FBXO34: variants seen among roughly 807,000 people sequenced by gnomAD.
The protein encoded by FBXO34 is F-box protein 34, also known as F-box only protein 34.
Under a neutral mutation model 24.5 loss-of-function variants are expected in FBXO34, and 12 were observed. That is an observed-to-expected ratio of 0.49 (90% CI 0.31 to 0.79). The LOEUF is 0.79. FBXO34 is among the 30% of genes least tolerant of loss of function. FBXO34 has a pLI of 0.04. For missense variants in FBXO34, 823 were observed against 857.7 expected (o/e 0.96, Z 0.51); for synonymous variants, 320 against 311.9 (o/e 1.03, Z -0.27).
chr14:55,289,592 G>C (rs1881874585), intron 1 of FBXO34, among the ~76,000 whole-genome samples: 1 of 152,148 alleles, frequency 6.6e-6, no homozygotes, highest in African/African-American at 2.4e-5. Flanking sequence ...CTGGAGTGCA[G>C]TGGCATGATC....
rs376155932 is a variant in FBXO34, at chr14:55,332,023, T to TAC, written c.-10-18357_-10-18356dup. ...TGGTGTATATATAAAAATATATATATACCACCGTGGTGGTATATATAAAAA... is the reference window on the plus strand; with the variant it reads ...TGGTGTATATATAAAAATATATATATACACCACCGTGGTGGTATATATAAAAA... On this transcript the variant is annotated intron_variant, in intron 1 of 1. Coordinates refer to ENST00000313833, the MANE Select transcript of FBXO34 (RefSeq NM_017943.4). Among the ~76,000 whole-genome samples, 221 of 64,968 alleles carry TAC rather than the reference T, an allele frequency of 3.4e-3. 73 individuals are homozygous for TAC. The highest frequency in any genetic ancestry group is 9.4e-3 in the South Asian group (20 of 2,132). 42.6% of individuals were successfully genotyped at this position (64,968 alleles called of 152,430 possible). A position where few individuals can be genotyped will look rare whatever the true frequency, so the allele number is the denominator to read the frequency against.
At chr14:55,393,194 A>G in the FBXO34 span, among the ~76,000 whole-genome samples, 26 of 151,390 alleles carry the variant, frequency 1.7e-4, no homozygotes, top group Admixed American at 1.6e-3. Context: ...ATCCTGGCTA[A>G]CACGGTGAAA....
downstream of FBXO34, among the ~76,000 whole-genome samples, chr14:55,355,521 T>G (rs1432837950): frequency 6.6e-6 from 1 of 152,250 alleles, no homozygotes; most frequent in Non-Finnish European, 1.5e-5. Context: ...ACATTGTGTT[T>G]GTACTGAACA....
intron 1 of FBXO34, among the ~76,000 whole-genome samples, chr14:55,301,608 A>G (rs1882359337): frequency 6.6e-6 from 1 of 152,216 alleles, no homozygotes; most frequent in Non-Finnish European, 1.5e-5. Context: ...GTGAGAAAGT[A>G]TCTAGGGAGG....
the FBXO34 span, among the ~76,000 whole-genome samples, chr14:55,401,501 G>A: frequency 6.6e-6 from 1 of 151,828 alleles, no homozygotes; most frequent in African/African-American, 2.4e-5. Context: ...ACTATTTTCC[G>A]TATTTTCTCT....
At chr14:55,303,200 C>T (rs1012189937) in intron 1 of FBXO34, among the ~76,000 whole-genome samples, 2 of 151,556 alleles carry the variant, frequency 1.3e-5, no homozygotes, top group African/African-American at 4.9e-5. Context: ...ATTATAAGAA[C>T]TGTCAGCTGT....
the FBXO34 span, among the ~76,000 whole-genome samples, chr14:55,391,720 G>A: frequency 2.2e-4 from 33 of 152,240 alleles, no homozygotes; most frequent in African/African-American, 7.9e-4. Flanking sequence ...CTAATGGACT[G>A]GACAGCGCAG....
At chr14:55,436,597 G>A in the FBXO34 span, 1 of 1,614,176 alleles carries the variant, frequency 6.2e-7, no homozygotes, top group Non-Finnish European at 8.5e-7. Flanking sequence ...TTCTGAAATA[G>A]GGGTCATTGG....
intron 1 of FBXO34, among the ~76,000 whole-genome samples, chr14:55,300,158 T>C (rs1187709293): frequency 1.3e-5 from 2 of 152,162 alleles, no homozygotes; most frequent in Non-Finnish European, 2.9e-5. Flanking sequence ...TTAGTAATGG[T>C]TTAAATCAGG....
intron 1 of FBXO34, among the ~76,000 whole-genome samples, chr14:55,322,019 G>C (rs1027677671): frequency 2.0e-5 from 3 of 152,166 alleles, no homozygotes; most frequent in Non-Finnish European, 4.4e-5. Context: ...CAGTTTGCCA[G>C]TTATTATATA....
the FBXO34 span, chr14:55,391,424 C>T: frequency 2.7e-5 from 4 of 147,362 alleles, no homozygotes; most frequent in Non-Finnish European, 5.9e-5. Context: ...TGCAGTGAGC[C>T]GAGATCACGC....
the FBXO34 span, among the ~76,000 whole-genome samples, chr14:55,425,925 G>T: frequency 2.6e-5 from 4 of 152,246 alleles, no homozygotes; most frequent in Admixed American, 6.5e-5. Context: ...TAGTCACCTA[G>T]ATCTTATTCA....
At chr14:55,357,034 G>A (rs1884533071), downstream of FBXO34, among the ~76,000 whole-genome samples, 1 of 152,170 alleles carries the variant, frequency 6.6e-6, no homozygotes, top group Non-Finnish European at 1.5e-5. Flanking sequence ...GTTGGTCAAG[G>A]TACCTGTGTG....
At chr14:55,441,159 A>T in the FBXO34 span, among the ~76,000 whole-genome samples, 3 of 149,206 alleles carry the variant, frequency 2.0e-5, no homozygotes, top group East Asian at 4.1e-4. Flanking sequence ...TTTCTAAGAA[A>T]CTTAAATACT....
At chr14:55,404,003 T>A in the FBXO34 span, among the ~76,000 whole-genome samples, 2 of 152,174 alleles carry the variant, frequency 1.3e-5, no homozygotes, top group African/African-American at 4.8e-5. Flanking sequence ...TAAAATTTGA[T>A]GGGATGGAAA....
At chr14:55,423,692 C>G in the FBXO34 span, among the ~76,000 whole-genome samples, 2,312 of 152,160 alleles carry the variant, frequency 0.015, 56 homozygotes, top group African/African-American at 0.053. Flanking sequence ...ATTTCAGAGC[C>G]CATTCCTTTA....
intron 1 of FBXO34, among the ~76,000 whole-genome samples, chr14:55,317,394 C>G (rs1447523452): frequency 6.6e-6 from 1 of 152,210 alleles, no homozygotes; most frequent in South Asian, 2.1e-4. Flanking sequence ...GTGGGAGAAG[C>G]CCTTGAGCCC....
the FBXO34 span, among the ~76,000 whole-genome samples, chr14:55,426,557 G>A: frequency 6.6e-6 from 1 of 152,062 alleles, no homozygotes; most frequent in South Asian, 2.1e-4. Context: ...AATCTTCTAA[G>A]AGGTGTTTTT....
chr14:55,376,262 A>G, the FBXO34 span, among the ~76,000 whole-genome samples: 2 of 152,244 alleles, frequency 1.3e-5, no homozygotes, highest in Admixed American at 1.3e-4. Flanking sequence ...CCTTGTGTCA[A>G]TAAATAGTGG....
Sources: allele counts gnomAD v4.1 joint callset (sites outside exome capture counted in the v4.1 genomes callset), GRCh38; gene constraint gnomAD v4.1.1; transcripts MANE v1.5; gene names NCBI Gene and HGNC (gene_info 2026-07-23, HGNC 2026-07-21).